ERC2: variants seen among roughly 807,000 people sequenced by gnomAD.
ERC2 encodes the protein ERC protein 2.
ERC2 carries 42 observed loss-of-function variants against 114.8 expected under a neutral mutation model. That is an observed-to-expected ratio of 0.37 (90% confidence interval 0.29 to 0.47). ERC2 has a LOEUF of 0.47. ERC2 is among the 20% of genes least tolerant of loss of function. The pLI is 0.99. For missense variants in ERC2, 939 were observed against 1,150.7 expected, an observed-to-expected ratio of 0.82 and a Z score of 2.66; for synonymous variants, 454 against 425.5, an observed-to-expected ratio of 1.07 and a Z score of -0.82.
At chr3:55,795,672 T>C (rs994068266) in intron 14 of ERC2, among the ~76,000 whole-genome samples, 1 of 152,138 alleles carries the variant, frequency 6.6e-6, no homozygotes, top group East Asian at 1.9e-4. Flanking sequence ...ACCAAAACCA[T>C]AGAGGGACTG....
chr3:56,357,942 T>A (rs13083082), intron 2 of ERC2, among the ~76,000 whole-genome samples: 47,522 of 151,182 alleles, frequency 0.31, 7,629 homozygotes, highest in Admixed American at 0.34. Flanking sequence ...GACATCATCC[T>A]TATAATGTTT....
At chr3:56,017,652 G>A (rs540384853) in intron 8 of ERC2, among the ~76,000 whole-genome samples, 29 of 152,096 alleles carry the variant, frequency 1.9e-4, no homozygotes, top group African/African-American at 6.7e-4. Context: ...TTCTCAGCAA[G>A]CTCCTACCTG....
At chr3:56,283,353 G>A (rs991928588) in intron 3 of ERC2, among the ~76,000 whole-genome samples, 45 of 152,132 alleles carry the variant, frequency 3.0e-4, no homozygotes, top group African/African-American at 9.7e-4. Flanking sequence ...TTTCTCGGCC[G>A]GGCATGATGG....
chr3:55,812,843 A>G (rs2059771027), intron 14 of ERC2, among the ~76,000 whole-genome samples: 1 of 152,236 alleles, frequency 6.6e-6, no homozygotes, highest in Non-Finnish European at 1.5e-5. Context: ...GTTTGTGTGT[A>G]CGTGTGTGCA....
chr3:55,825,781 A>G (rs1048557339), intron 14 of ERC2, among the ~76,000 whole-genome samples: 1 of 152,190 alleles, frequency 6.6e-6, no homozygotes, highest in Non-Finnish European at 1.5e-5. Context: ...TGAAAACTGA[A>G]AAACTACTAT....
At chr3:56,393,350 A>G (rs2060194943) in intron 2 of ERC2, among the ~76,000 whole-genome samples, 1 of 152,204 alleles carries the variant, frequency 6.6e-6, no homozygotes, top group South Asian at 2.1e-4. Flanking sequence ...GTTAGCCGAG[A>G]TCATACCTCT....
At chr3:56,430,551 G>T (rs1037117239) in intron 2 of ERC2, among the ~76,000 whole-genome samples, 1 of 152,210 alleles carries the variant, frequency 6.6e-6, no homozygotes, top group Non-Finnish European at 1.5e-5. Context: ...ACTTTGGGAG[G>T]CTGAGGTGGG....
At chr3:56,026,143 G>C (rs752690933) in intron 7 of ERC2, among the ~76,000 whole-genome samples, 1 of 141,288 alleles carries the variant, frequency 7.1e-6, no homozygotes, top group Non-Finnish European at 1.5e-5. Context: ...TCGGCCTCCC[G>C]GGTTCAAGCC....
intron 13 of ERC2, among the ~76,000 whole-genome samples, chr3:55,915,575 G>A (rs992376536): frequency 1.3e-5 from 2 of 152,150 alleles, no homozygotes; most frequent in African/African-American, 4.8e-5. Flanking sequence ...AAAGACACAT[G>A]ACATTTGAGC....
chr3:55,845,528 G>GAAAAAAAA, intron 14 of ERC2, among the ~76,000 whole-genome samples: 1 of 132,514 alleles, frequency 7.5e-6, no homozygotes, highest in Non-Finnish European at 1.6e-5. Flanking sequence ...AAAAAAAAAG[G>GAAAAAAAA]CAAAAATGGA....
rs915310433 is a variant in ERC2 at position 56,468,298 on chromosome 3, C to T, written c.-191G>A. 1 of 151,968 alleles carries T rather than the reference C, an allele frequency of 6.6e-6. No individual in the cohort carries two copies. Among genetic ancestry groups the T allele is most frequent in the African/African-American group, 2.4e-5 (1 of 41,360 alleles). 9.4% of individuals were successfully genotyped at this position (151,968 alleles called of 1,614,324 possible). On this transcript the variant is annotated 5_prime_UTR_variant, in exon 1 of 18. Transcript: ENST00000288221. Reference sequence around the variant, plus strand: ...TCCCACATGGATTTTTACAACCTCTCGTCGCCTTGGCCCCGGGCGGCCAGG... The same window carrying T: ...TCCCACATGGATTTTTACAACCTCTTGTCGCCTTGGCCCCGGGCGGCCAGG...
At chr3:55,834,441 T>C (rs974767265) in intron 14 of ERC2, among the ~76,000 whole-genome samples, 4 of 151,964 alleles carry the variant, frequency 2.6e-5, no homozygotes, top group Non-Finnish European at 4.4e-5. Flanking sequence ...AAACTAGAAC[T>C]CAGGATTAAG....
chr3:55,977,773 T>C (rs1576429846), intron 12 of ERC2, among the ~76,000 whole-genome samples: 1 of 152,174 alleles, frequency 6.6e-6, no homozygotes, highest in East Asian at 1.9e-4. Context: ...CTATTCAAAG[T>C]TATTAATTAT....
At chr3:55,656,122 A>ATTT (rs1368688666) in intron 17 of ERC2, among the ~76,000 whole-genome samples, 1 of 151,518 alleles carries the variant, frequency 6.6e-6, no homozygotes, top group Non-Finnish European at 1.5e-5. Context: ...TTATTTATTT[A>ATTT]TTTTTCTGAG....
intron 12 of ERC2, among the ~76,000 whole-genome samples, chr3:55,968,145 A>C (rs1420042722): frequency 6.8e-6 from 1 of 147,814 alleles, no homozygotes; most frequent in Non-Finnish European, 1.5e-5. Flanking sequence ...TTCTTTTTTT[A>C]ACATTATATT....
chr3:56,331,497 AT>A (rs200509634), intron 2 of ERC2, among the ~76,000 whole-genome samples: 304 of 151,706 alleles, frequency 2.0e-3, no homozygotes, highest in African/African-American at 6.8e-3. Flanking sequence ...GTGTCAGAAT[AT>A]TTTTTTTTCT....
At chr3:55,691,339 G>C (rs2062628765) in intron 16 of ERC2, among the ~76,000 whole-genome samples, 1 of 151,810 alleles carries the variant, frequency 6.6e-6, no homozygotes, top group Non-Finnish European at 1.5e-5. Flanking sequence ...CAAAATGCAT[G>C]CCAGGATATC....
At chr3:56,046,226 A>G (rs2075449798) in intron 7 of ERC2, among the ~76,000 whole-genome samples, 1 of 152,156 alleles carries the variant, frequency 6.6e-6, no homozygotes, top group African/African-American at 2.4e-5. Context: ...TTCAAGAAAA[A>G]TTGACAATGT....
At chr3:55,622,512 T>C (rs35004621) in intron 17 of ERC2, among the ~76,000 whole-genome samples, 21,964 of 152,102 alleles carry the variant, frequency 0.14, 1,990 homozygotes, top group Non-Finnish European at 0.21. Flanking sequence ...AAATATATCA[T>C]AGCATTTGAA....
Sources: allele counts gnomAD v4.1 joint callset (sites outside exome capture counted in the v4.1 genomes callset), GRCh38; gene constraint gnomAD v4.1.1; transcripts MANE v1.5; gene names NCBI Gene and HGNC (gene_info 2026-07-23, HGNC 2026-07-21).